SEL1L3: variants seen among roughly 807,000 people sequenced by gnomAD.
SEL1L3 encodes the protein SEL1L family member 3, also known as protein sel-1 homolog 3.
In SEL1L3, 76 loss-of-function variants were observed where a neutral mutation model predicts 142.8. The ratio of observed to expected loss-of-function variants is 0.53; its 90% confidence interval spans 0.44 to 0.64. The LOEUF (loss-of-function observed/expected upper bound fraction) is 0.64, where lower values mean the gene tolerates loss of function less well. Ranked by LOEUF, SEL1L3 falls within the 30% of genes least tolerant of loss-of-function variation. SEL1L3 has a pLI of 0.00. For missense variants in SEL1L3, 1,262 were observed against 1,381.7 expected (o/e 0.91, Z 1.37); for synonymous variants, 504 against 519.6 (o/e 0.97, Z 0.41).
At chr4:25,764,833 G>A (rs984881049) in intron 20 of SEL1L3, among the ~76,000 whole-genome samples, 1 of 152,190 alleles carries the variant, frequency 6.6e-6, no homozygotes, top group Non-Finnish European at 1.5e-5. Context: ...CACAGTAGGT[G>A]TTTAATAAAG....
chr4:25,777,155 T>G (rs1246892260), intron 16 of SEL1L3, among the ~76,000 whole-genome samples: 1 of 152,058 alleles, frequency 6.6e-6, no homozygotes, highest in African/African-American at 2.4e-5. Flanking sequence ...TGGAAAAAGA[T>G]AAATCATACA....
intron 1 of SEL1L3, among the ~76,000 whole-genome samples, chr4:25,852,084 T>G (rs1447566702): frequency 6.6e-6 from 1 of 152,150 alleles, no homozygotes; most frequent in Admixed American, 6.5e-5. Context: ...TGTTCTCGTT[T>G]ATGCTGCCAG....
At chr4:25,726,774 T>C in the SEL1L3 span, among the ~76,000 whole-genome samples, 1 of 144,294 alleles carries the variant, frequency 6.9e-6, no homozygotes. Context: ...TCTTAATAAG[T>C]ACTATTTTTT....
At chr4:25,828,953 A>G (rs926370913) in intron 6 of SEL1L3, among the ~76,000 whole-genome samples, 6 of 152,228 alleles carry the variant, frequency 3.9e-5, no homozygotes, top group African/African-American at 1.4e-4. Context: ...GAAATTGGTT[A>G]ATTTTTATTT....
chr4:25,739,941 T>A, the SEL1L3 span, among the ~76,000 whole-genome samples: 3 of 151,862 alleles, frequency 2.0e-5, no homozygotes, highest in African/African-American at 4.8e-5. Context: ...CATCAATGTA[T>A]TTTTTAACTG....
intron 17 of SEL1L3, among the ~76,000 whole-genome samples, chr4:25,776,039 C>G (rs1165863899): frequency 6.6e-6 from 1 of 152,216 alleles, no homozygotes; most frequent in Non-Finnish European, 1.5e-5. Flanking sequence ...GTATATCTTT[C>G]TCAACTTGAT....
intron 9 of SEL1L3, among the ~76,000 whole-genome samples, chr4:25,811,859 C>T (rs1714055487): frequency 6.6e-6 from 1 of 151,134 alleles, no homozygotes; most frequent in Non-Finnish European, 1.5e-5. Flanking sequence ...CTGGTTTAAC[C>T]GGAATTTAAA....
the SEL1L3 span, among the ~76,000 whole-genome samples, chr4:25,741,855 C>A: frequency 1.1e-4 from 17 of 151,722 alleles, no homozygotes; most frequent in African/African-American, 3.9e-4. Flanking sequence ...ATTGCCCAGG[C>A]TCAATTGCAA....
At chr4:25,724,044 C>G in the SEL1L3 span, among the ~76,000 whole-genome samples, 1 of 152,174 alleles carries the variant, frequency 6.6e-6, no homozygotes, top group Admixed American at 6.6e-5. Flanking sequence ...AACTCCACAG[C>G]CCGGTAGGGC....
chr4:25,851,196 C>A (rs145139116), intron 1 of SEL1L3, among the ~76,000 whole-genome samples: 42 of 152,278 alleles, frequency 2.8e-4, no homozygotes, highest in Non-Finnish European at 5.1e-4. Flanking sequence ...TCACACCACA[C>A]AATTCACACA....
chr4:25,718,810 A>G, the SEL1L3 span: 1 of 152,160 alleles, frequency 6.6e-6, no homozygotes. Flanking sequence ...AGGTATTTTT[A>G]CTATACAAGC....
chr4:25,819,847 C>T lies in SEL1L3; in HGVS notation c.1384G>A (p.Ala462Thr), dbSNP rs371422164. The T allele has an allele frequency of 1.2e-6, 2 of 1,613,388 alleles. No individual in the cohort carries two copies. The highest frequency in any genetic ancestry group is 1.7e-6 in the Non-Finnish European group (2 of 1,179,726). The change falls in exon 8 of 24, where the codon GCA becomes ACA. Residue 462 changes from alanine to threonine, a missense_variant. By Grantham distance (58) the Ala-to-Thr change is moderately conservative. Coordinates refer to ENST00000399878, the MANE Select transcript of SEL1L3 (RefSeq NM_015187.5). ...AEVQEIVSVY[A>T]SAAKHGGERQ... ...TCGCCCCCGTGCTTTGCTGCAGATG[C>T]ATACACAGATACTATTTCTTGAACC...
intron 20 of SEL1L3, among the ~76,000 whole-genome samples, chr4:25,764,037 G>A (rs184050362): frequency 7.2e-5 from 11 of 152,308 alleles, no homozygotes; most frequent in African/African-American, 1.7e-4. Context: ...AGCAAATGTA[G>A]AAGGAATAAG....
chr4:25,804,050 A>G (rs1415968127), intron 10 of SEL1L3, among the ~76,000 whole-genome samples: 14 of 152,234 alleles, frequency 9.2e-5, no homozygotes, highest in Admixed American at 9.2e-4. Context: ...ATGAAAATGT[A>G]ATTCTAAATG....
chr4:25,773,571 T>G (rs1189574274), intron 17 of SEL1L3: 1 of 152,222 alleles, frequency 6.6e-6, no homozygotes, highest in Non-Finnish European at 1.5e-5. Context: ...CTCCCTTCTA[T>G]TCACCATACA....
intron 1 of SEL1L3, among the ~76,000 whole-genome samples, chr4:25,856,743 T>C (rs1019577779): frequency 2.6e-5 from 4 of 152,148 alleles, no homozygotes; most frequent in Non-Finnish European, 5.9e-5. Flanking sequence ...AAAATAAAAC[T>C]ATCAATATGA....
chr4:25,826,259 T>C (rs1315902533), intron 6 of SEL1L3, among the ~76,000 whole-genome samples: 1 of 152,236 alleles, frequency 6.6e-6, no homozygotes, highest in African/African-American at 2.4e-5. Context: ...TCACCTGTCA[T>C]GGGATATTAT....
the SEL1L3 span, among the ~76,000 whole-genome samples, chr4:25,725,503 A>G: frequency 4.2e-3 from 643 of 152,138 alleles, 3 homozygotes; most frequent in African/African-American, 0.015. Flanking sequence ...TTTGGTAGAG[A>G]CGATGTTTCA....
intron 23 of SEL1L3, chr4:25,756,165 T>C (rs900514703): frequency 8.1e-6 from 8 of 985,348 alleles, no homozygotes; most frequent in African/African-American, 1.7e-5. Flanking sequence ...TCCAATGCCA[T>C]GTCCAGTCCT....
Sources: gnomAD v4.1 joint callset for allele counts (sites outside exome capture counted in the v4.1 genomes callset) on GRCh38, gnomAD v4.1.1 for gene constraint, MANE v1.5 for transcripts, NCBI Gene and HGNC (gene_info 2026-07-23, HGNC 2026-07-21) for gene names.